GAREM1: variants seen among roughly 807,000 people sequenced by gnomAD.
GAREM1 encodes the protein GRB2-associated and regulator of MAPK protein 1.
Under a neutral mutation model 71.3 loss-of-function variants are expected in GAREM1, and 26 were observed. The ratio of observed to expected loss-of-function variants is 0.36; its 90% CI spans 0.27 to 0.51. The LOEUF (loss-of-function observed/expected upper bound fraction) is 0.51, where lower values mean the gene tolerates loss of function less well. Ranked by LOEUF, GAREM1 falls within the 20% of genes least tolerant of loss-of-function variation. The pLI, the probability that GAREM1 is intolerant of heterozygous loss-of-function variation, is 0.95. For missense variants in GAREM1, 1,026 were observed against 1,103.1 expected (o/e 0.93, Z 0.99); for synonymous variants, 440 against 433.2 (o/e 1.02, Z -0.20).
At chr18:32,323,815 T>TA (rs1350464626) in intron 2 of GAREM1, among the ~76,000 whole-genome samples, 3 of 152,068 alleles carry the variant, frequency 2.0e-5, no homozygotes, top group African/African-American at 4.8e-5. Flanking sequence ...TTAATCTACA[T>TA]AAAAAATTAA....
intron 3 of GAREM1, among the ~76,000 whole-genome samples, chr18:32,296,813 C>A (rs2144491461): frequency 6.6e-6 from 1 of 151,696 alleles, no homozygotes; most frequent in East Asian, 1.9e-4. Context: ...GTGGCTGGGA[C>A]TAGAGGAACA....
chr18:32,425,282 C>T (rs2048563670), intron 1 of GAREM1, among the ~76,000 whole-genome samples: 1 of 152,170 alleles, frequency 6.6e-6, no homozygotes, highest in African/African-American at 2.4e-5. Flanking sequence ...CACTGTGGCA[C>T]AAAATTTTAT....
At chr18:32,442,076 C>T (rs991580755) in intron 1 of GAREM1, among the ~76,000 whole-genome samples, 1 of 152,080 alleles carries the variant, frequency 6.6e-6, no homozygotes, top group African/African-American at 2.4e-5. Flanking sequence ...TGAGCTGTTA[C>T]ATGAAAAACA....
chr18:32,420,951 T>C (rs940128385), intron 1 of GAREM1, among the ~76,000 whole-genome samples: 1 of 152,096 alleles, frequency 6.6e-6, no homozygotes, highest in Non-Finnish European at 1.5e-5. Context: ...CTGCGCTGCA[T>C]CTACCTATTT....
Position 32,287,880 on chromosome 18 carries a change from A to C in GAREM1, c.717T>G (p.Ile239Met). 6.2e-7 allele frequency: 1 copy of C among 1,613,318 alleles called. No homozygotes were observed. The highest frequency in any genetic ancestry group is 8.5e-7 in the Non-Finnish European group (1 of 1,179,804). ...TCACAGGAAGCCTGGTTTTCTCCAC[A>C]ATGTTGCGGATGGTGTGTTCGCCCT... ...MQEGEHTIRN[I>M]VEKTRLPVNV... The change falls in exon 4 of 6, where the codon ATT (isoleucine) becomes ATG (methionine). Residue 239 changes from isoleucine to methionine, a missense_variant. By Grantham distance (10) the Ile-to-Met change is conservative (BLOSUM62 1). Transcript: ENST00000269209. The surrounding 1 kb of genome is among the most constrained non-coding windows in gnomAD (Gnocchi z 5.9).
intron 2 of GAREM1, among the ~76,000 whole-genome samples, chr18:32,354,100 G>A (rs561339428): frequency 3.0e-4 from 46 of 152,202 alleles, no homozygotes; most frequent in African/African-American, 1.1e-3. Flanking sequence ...AGCATTACAA[G>A]GTAGCAGCAA....
chr18:32,354,043 G>A (rs1298838324), intron 2 of GAREM1, among the ~76,000 whole-genome samples: 2 of 152,116 alleles, frequency 1.3e-5, no homozygotes, highest in Non-Finnish European at 2.9e-5. Context: ...AGGAACCACA[G>A]ATAACATACA....
rs114275085 is a variant in GAREM1 at position 32,311,954 on chromosome 18, C to T, written c.263-1631G>A. 4.1e-3 allele frequency among the ~76,000 whole-genome samples: 617 copies of T among 152,310 alleles called. 6 individuals are homozygous for T. The highest frequency in any genetic ancestry group is 0.014 in the African/African-American group (594 of 41,554). ...CAGGTAGAAGGCTCCTACAATAATT[C>T]AGGTATGACATGGCAGGGGCTGGGA... On this transcript the variant is annotated intron_variant, in intron 2 of 5. Coordinates refer to ENST00000269209, the MANE Select transcript of GAREM1 (RefSeq NM_001242409.2).
chr18:32,435,318 T>C (rs1182104335), intron 1 of GAREM1, among the ~76,000 whole-genome samples: 1 of 152,118 alleles, frequency 6.6e-6, no homozygotes, highest in East Asian at 1.9e-4. Context: ...GTTTACTTAG[T>C]ACTAATGAAC....
chr18:32,337,800 A>AGTGGGTGGTTTTCTCAATCATCGCT, intron 2 of GAREM1, among the ~76,000 whole-genome samples: 1 of 152,338 alleles, frequency 6.6e-6, no homozygotes, highest in African/African-American at 2.4e-5. Context: ...GCCTAAAATT[A>AGTGGGTGGTTTTCTCAATCATCGCT]GTGGGTGGTT....
At chr18:32,443,349 G>C (rs535357357) in intron 1 of GAREM1, among the ~76,000 whole-genome samples, 2 of 152,050 alleles carry the variant, frequency 1.3e-5, no homozygotes, top group Admixed American at 6.6e-5. Context: ...AAAGTGAAAA[G>C]ATAACCCATA....
At chr18:32,364,026 A>ATGTTTTTTTTTTTTT (rs2047902985) in intron 2 of GAREM1, among the ~76,000 whole-genome samples, 8 of 46,396 alleles carry the variant, frequency 1.7e-4, no homozygotes, top group Admixed American at 2.2e-4. Context: ...ATATATATAT[A>ATGTTTTTTTTTTTTT]TGTTTTTTTT....
intron 2 of GAREM1, among the ~76,000 whole-genome samples, chr18:32,354,802 A>C (rs2047788783): frequency 1.3e-5 from 2 of 152,192 alleles, no homozygotes; most frequent in Non-Finnish European, 2.9e-5. Flanking sequence ...ATGTTTTGTA[A>C]GAAACCAGAA....
At chr18:32,307,472 T>G (rs2047267651) in intron 3 of GAREM1, among the ~76,000 whole-genome samples, 1 of 152,214 alleles carries the variant, frequency 6.6e-6, no homozygotes, top group African/African-American at 2.4e-5. Flanking sequence ...TCCCATTTCT[T>G]TAACTCCTCC....
chr18:32,360,246 C>A (rs1379473624), intron 2 of GAREM1, among the ~76,000 whole-genome samples: 1 of 151,390 alleles, frequency 6.6e-6, no homozygotes, highest in Non-Finnish European at 1.5e-5. Flanking sequence ...ATATATATAT[C>A]CTCTATTCTC....
intron 1 of GAREM1, among the ~76,000 whole-genome samples, chr18:32,419,843 G>A (rs2048503463): frequency 6.6e-6 from 1 of 152,132 alleles, no homozygotes; most frequent in Admixed American, 6.6e-5. Flanking sequence ...AGAGAATGAT[G>A]GGTCAAGTGT....
Position 32,268,463 on chromosome 18 carries a change from G to C in GAREM1, c.2039C>G (p.Pro680Arg), listed in dbSNP as rs1311147396. 1 of 1,614,050 alleles carries C rather than the reference G, an allele frequency of 6.2e-7. No homozygotes were observed. Among genetic ancestry groups the C allele is most frequent in the African/African-American group, 1.3e-5 (1 of 74,926 alleles). ...DFDGCELLAS[P>R]TSPVTAEFSS... The stretch of plus-strand genomic sequence containing the variant: ...GAATTCTGCAGTGACTGGGCTAGTG[G>C]GGCTGGCCAGGAGCTCACAGCCATC... The change falls in exon 6 of 6, where the codon CCC becomes CGC. Residue 680 changes from proline to arginine, a missense_variant. This residue lies in a region of GAREM1 where 636 missense variants were observed against 631.2 expected (regional missense o/e 1.01). Coordinates refer to ENST00000269209, the MANE Select transcript of GAREM1 (RefSeq NM_001242409.2).
intron 4 of GAREM1, among the ~76,000 whole-genome samples, chr18:32,281,924 G>A (rs552883140): frequency 6.6e-6 from 1 of 152,272 alleles, no homozygotes; most frequent in African/African-American, 2.4e-5. Flanking sequence ...CAAAAGAAGT[G>A]TAAATGGCCG....
chr18:32,452,044 C>T (rs1438240850), intron 1 of GAREM1, among the ~76,000 whole-genome samples: 4 of 152,130 alleles, frequency 2.6e-5, no homozygotes, highest in Non-Finnish European at 4.4e-5. Flanking sequence ...GACTTTCACT[C>T]ATATTCTGAC....
Sources: allele counts gnomAD v4.1 joint callset (sites outside exome capture counted in the v4.1 genomes callset), GRCh38; gene constraint gnomAD v4.1.1; regional missense constraint gnomAD v4.1.1; non-coding constraint Gnocchi (gnomAD v3.1); transcripts MANE v1.5; gene names NCBI Gene and HGNC (gene_info 2026-07-23, HGNC 2026-07-21).